The following CBFA2T3 variants were observed in gnomAD, a reference collection of about 807,000 sequenced individuals.
CBFA2T3 encodes CBFA2/RUNX1 partner transcriptional co-repressor 3, also known as transcriptional corepressor CBFA2T3.
CBFA2T3 carries 31 observed loss-of-function variants against 58.6 expected under a neutral mutation model. The observed-to-expected ratio is 0.53, with a 90% confidence interval of 0.40 to 0.71. The LOEUF is 0.71. Among genes scored for constraint, CBFA2T3 ranks in the 30% least tolerant of loss-of-function variants. The pLI is 0.00. For synonymous variants in CBFA2T3, 531 were observed against 421.9 expected (o/e 1.26, Z -3.17); for missense variants, 1,076 against 963.1 (o/e 1.12, Z -1.55).
rs140009640 is a variant in CBFA2T3, at chr16:88,875,198, C to T, written c.*1778G>A. ...CACACCACGCACACAGATGCCAAGCCACGGGCCACGCCACACGCACAGATG... is the reference window on the plus strand; with the variant it reads ...CACACCACGCACACAGATGCCAAGCTACGGGCCACGCCACACGCACAGATG... On this transcript the variant is annotated 3_prime_UTR_variant, in exon 12 of 12. Coordinates refer to ENST00000268679, the MANE Select transcript of CBFA2T3 (RefSeq NM_005187.6). The T allele has an allele frequency of 2.5e-4, 58 of 235,334 alleles. No homozygotes were observed. Among genetic ancestry groups the T allele is most frequent in the Middle Eastern group, 1.3e-3 (1 of 798 alleles). The allele number at this position is 235,334 out of a possible 1,614,324, so 14.6% of individuals were successfully genotyped here.
At chr16:88,927,458 G>A (rs1971119129) in intron 1 of CBFA2T3, among the ~76,000 whole-genome samples, 2 of 152,200 alleles carry the variant, frequency 1.3e-5, no homozygotes, top group African/African-American at 2.4e-5. Flanking sequence ...GTGGAGGAGG[G>A]GCTGGGGAAG....
intron 5 of CBFA2T3, among the ~76,000 whole-genome samples, chr16:88,890,599 G>A (rs1408031517): frequency 3.3e-5 from 5 of 152,234 alleles, no homozygotes; most frequent in African/African-American, 1.2e-4. Context: ...CAGCCGTCTT[G>A]GGGAAATGGA....
intron 5 of CBFA2T3, chr16:88,886,640 C>T (rs372898371): frequency 8.5e-5 from 13 of 153,234 alleles, no homozygotes; most frequent in African/African-American, 3.1e-4. Context: ...GAGTGAAACC[C>T]AGCTGGGATT....
chr16:88,939,997 GTT>G (rs1971655694), intron 1 of CBFA2T3: 1 of 152,364 alleles, frequency 6.6e-6, no homozygotes, highest in Admixed American at 6.5e-5. Flanking sequence ...GGAACCTCCT[GTT>G]CCTCGTCCAG....
intron 1 of CBFA2T3, chr16:88,939,020 G>A (rs958553084): frequency 6.6e-6 from 1 of 152,212 alleles, no homozygotes; most frequent in Non-Finnish European, 1.5e-5. Flanking sequence ...TGAGGGCTGG[G>A]ATCTTGGGGA....
chr16:88,888,856 C>A (rs998948881), intron 5 of CBFA2T3, among the ~76,000 whole-genome samples: 3 of 151,926 alleles, frequency 2.0e-5, no homozygotes, highest in African/African-American at 7.3e-5. Context: ...CCCACACAGG[C>A]CGTGGGATCC....
intron 1 of CBFA2T3, chr16:88,938,001 T>A (rs1398880356): frequency 6.6e-6 from 1 of 152,250 alleles, no homozygotes; most frequent in African/African-American, 2.4e-5. Flanking sequence ...CTGGAGGGTC[T>A]TTAGCAACAA....
intron 5 of CBFA2T3, among the ~76,000 whole-genome samples, chr16:88,890,155 G>T (rs577881345): frequency 6.6e-6 from 1 of 152,158 alleles, no homozygotes; most frequent in Non-Finnish European, 1.5e-5. Flanking sequence ...TCACCTCCCT[G>T]TAGTCCCCGC....
At chr16:88,890,102 T>C (rs2033218178) in intron 5 of CBFA2T3, among the ~76,000 whole-genome samples, 1 of 150,302 alleles carries the variant, frequency 6.7e-6, no homozygotes, top group Non-Finnish European at 1.5e-5. Context: ...CAGGGGACGT[T>C]TCAAATCCCT....
chr16:88,901,562 G>T lies in CBFA2T3; in HGVS notation c.246C>A (p.Pro82=). ...QPRSTPPSMP[P]PPPAASQGAT... ...CCCCCTGGGATGCGGCAGGCGGTGG[G>T]GGCGGCATGCTGGGGGGTGTGGACC... The change falls in exon 2 of 12, where the codon CCC becomes CCA. Residue 82 remains proline, a synonymous_variant. Coordinates refer to ENST00000268679, the MANE Select transcript of CBFA2T3 (RefSeq NM_005187.6). The T allele has an allele frequency of 6.7e-7, 1 of 1,482,734 alleles. No homozygotes were observed. Among genetic ancestry groups the T allele is most frequent in the South Asian group, 1.4e-5 (1 of 72,608 alleles). 91.8% of individuals were successfully genotyped at this position (1,482,734 alleles called of 1,614,324 possible).
At position 88,907,020 on chromosome 16, in the gene CBFA2T3, CTGAGGCATGAG is replaced by C. The variant is rs1327968294; in HGVS notation, c.152-5375_152-5365del. ...GGGGTAGCACCTGGGGTGGCCGGCTCTGAGGCATGAGCGGAAGGACCATCTTTCAAACCCCA... is the reference window on the plus strand; with the variant it reads ...GGGGTAGCACCTGGGGTGGCCGGCTCCGGAAGGACCATCTTTCAAACCCCA... On this transcript the variant is annotated intron_variant, in intron 1 of 11. Transcript: ENST00000268679. Among the ~76,000 whole-genome samples, 6 of 151,752 alleles carry C rather than the reference CTGAGGCATGAG, an allele frequency of 4.0e-5. No individual in the cohort carries two copies. The East Asian group carries it at 1.2e-3, about 30-fold the overall frequency.
rs758943705 is a variant in CBFA2T3 at position 88,885,437 on chromosome 16, C to T, written c.894-168G>A. 1.7e-3 allele frequency among the ~76,000 whole-genome samples: 265 copies of T among 152,040 alleles called. 2 individuals are homozygous for T. Among genetic ancestry groups the T allele is most frequent in the Non-Finnish European group, 3.2e-3 (215 of 67,960 alleles). On this transcript the variant is annotated intron_variant, in intron 6 of 11. Coordinates refer to ENST00000268679, the MANE Select transcript of CBFA2T3 (RefSeq NM_005187.6). The surrounding 1 kb of genome is among the most constrained non-coding windows in gnomAD (Gnocchi z 5.3). ...CAGCCCCGGGAAGCCCAGCCCGGCG[C>T]CCCCACTCTCTGCCCCTCTGCCGGG... is the stretch of plus-strand genomic sequence containing the variant.
chr16:88,966,086 T>A (rs1393001085), intron 1 of CBFA2T3, among the ~76,000 whole-genome samples: 1 of 152,192 alleles, frequency 6.6e-6, no homozygotes, highest in Non-Finnish European at 1.5e-5. Flanking sequence ...CCTCGCCTCC[T>A]CTCGTAGCTG....
At chr16:88,898,753 T>A (rs1362143103) in intron 2 of CBFA2T3, among the ~76,000 whole-genome samples, 1 of 152,204 alleles carries the variant, frequency 6.6e-6, no homozygotes, top group East Asian at 1.9e-4. Context: ...CTGGGCTCAG[T>A]GGCTCACGCC....
intron 1 of CBFA2T3, among the ~76,000 whole-genome samples, chr16:88,971,358 C>A (rs1972651511): frequency 6.6e-6 from 1 of 152,224 alleles, no homozygotes; most frequent in Non-Finnish European, 1.5e-5. Flanking sequence ...GATCCGCCTG[C>A]CTCGGCCTCC....
rs1358595276 is a variant in CBFA2T3 at position 88,894,454 on chromosome 16, GCA to G, written c.380-1971_380-1970del. On this transcript the variant is annotated intron_variant, in intron 3 of 11. Coordinates refer to ENST00000268679, the MANE Select transcript of CBFA2T3 (RefSeq NM_005187.6). ...ATGCACACAATGTACACACATGCAC[GCA>G]CACATGCATACATATACACATGCAC... is the stretch of plus-strand genomic sequence containing the variant. Among the ~76,000 whole-genome samples, 3 of 62,498 alleles carry G rather than the reference GCA, an allele frequency of 4.8e-5. 1 individual carries two copies. Among genetic ancestry groups the G allele is most frequent in the African/African-American group, 1.9e-4 (2 of 10,492 alleles). 41.0% of individuals were successfully genotyped at this position (62,498 alleles called of 152,430 possible). A position where few individuals can be genotyped will look rare whatever the true frequency, so the allele number is the denominator to read the frequency against.
At chr16:88,911,617 T>C (rs1970534401) in intron 1 of CBFA2T3, among the ~76,000 whole-genome samples, 1 of 152,240 alleles carries the variant, frequency 6.6e-6, no homozygotes, top group African/African-American at 2.4e-5. Flanking sequence ...AAAATGGGAA[T>C]GGGGATGGAA....
chr16:88,946,335 A>G (rs548663774), intron 1 of CBFA2T3, among the ~76,000 whole-genome samples: 3 of 152,216 alleles, frequency 2.0e-5, no homozygotes, highest in East Asian at 3.9e-4. Flanking sequence ...AAAAGTGAAT[A>G]TTGCTAAGAA....
Position 88,888,207 on chromosome 16 carries a change from C to T in CBFA2T3, c.712-2065G>A, listed in dbSNP as rs535866613. Among the ~76,000 whole-genome samples the T allele has an allele frequency of 2.6e-5, 4 of 151,876 alleles. No individual in the cohort carries two copies. In the East Asian group the frequency reaches 6.0e-4, roughly 23 times the overall value. On this transcript the variant is annotated intron_variant, in intron 5 of 11. Transcript: ENST00000268679. Reference sequence around the variant, plus strand: ...CAGCCAAGCAGGCCCCCACTCTCTCCGGCCCCTCAGCCACGATTCCTGCCG... The same window carrying T: ...CAGCCAAGCAGGCCCCCACTCTCTCTGGCCCCTCAGCCACGATTCCTGCCG...
Sources: gnomAD v4.1 joint callset for allele counts (sites outside exome capture counted in the v4.1 genomes callset) on GRCh38, gnomAD v4.1.1 for gene constraint, Gnocchi (gnomAD v3.1) non-coding constraint, MANE v1.5 for transcripts, NCBI Gene and HGNC (gene_info 2026-07-23, HGNC 2026-07-21) for gene names.